Variants in DAB1 observed in about 807,000 individuals in gnomAD.
DAB1 encodes the protein DAB adaptor protein 1.
A neutral mutation model predicts 64.6 loss-of-function variants in DAB1; 15 were observed. That is an observed-to-expected ratio of 0.23 (90% confidence interval 0.16 to 0.36). The LOEUF (loss-of-function observed/expected upper bound fraction) is 0.36, where lower values mean the gene tolerates loss of function less well. Ranked by LOEUF, DAB1 falls within the 10% of genes least tolerant of loss-of-function variation. The pLI, the probability that DAB1 is intolerant of heterozygous loss-of-function variation, is 1.00. For synonymous variants in DAB1, 235 were observed against 251.9 expected (o/e 0.93, Z 0.64); for missense variants, 596 against 706.7 (o/e 0.84, Z 1.78).
At chr1:58,145,635 G>C (rs1456473363) in intron 5 of DAB1, among the ~76,000 whole-genome samples, 2 of 152,212 alleles carry the variant, frequency 1.3e-5, no homozygotes, top group African/African-American at 2.4e-5. Context: ...GAGGCCCATA[G>C]AGGGAAAGAG....
chr1:57,584,684 C>G (rs1645356262), intron 7 of DAB1, among the ~76,000 whole-genome samples: 4 of 152,162 alleles, frequency 2.6e-5, no homozygotes, highest in Admixed American at 2.6e-4. Context: ...TCCTAAGGAA[C>G]AAGGTGCCAA....
intron 4 of DAB1, among the ~76,000 whole-genome samples, chr1:58,189,639 T>C (rs1223666722): frequency 1.3e-5 from 2 of 152,244 alleles, no homozygotes; most frequent in South Asian, 4.1e-4. Context: ...GCAGGCAAAC[T>C]GACAGCACTT....
At chr1:57,317,078 G>A (rs1675273486) in intron 1 of DAB1, among the ~76,000 whole-genome samples, 1 of 152,158 alleles carries the variant, frequency 6.6e-6, no homozygotes, top group South Asian at 2.1e-4. Context: ...AGCTTGCTCT[G>A]ATGGAAGCCA....
chr1:57,127,946 G>A lies in DAB1; in HGVS notation c.306+8597C>T, dbSNP rs200540951. 1.7e-4 allele frequency among the ~76,000 whole-genome samples: 26 copies of A among 152,036 alleles called. No individual in the cohort carries two copies. The East Asian group carries it at 3.3e-3, about 19-fold the overall frequency. ...CTGGATCACCTGAGGTCAGGAGTTC[G>A]AGACCAGACTAGCCAACATGGTGAA... is the stretch of plus-strand genomic sequence containing the variant. On this transcript the variant is annotated intron_variant, in intron 4 of 14. Transcript: ENST00000371236.
chr1:57,310,263 T>C (rs1307089222), intron 1 of DAB1, among the ~76,000 whole-genome samples: 5 of 152,082 alleles, frequency 3.3e-5, no homozygotes, highest in African/African-American at 7.2e-5. Flanking sequence ...GGAGATGACA[T>C]TGGAGCAAAA....
At chr1:58,136,256 C>G (rs1414139902) in intron 5 of DAB1, among the ~76,000 whole-genome samples, 1 of 152,074 alleles carries the variant, frequency 6.6e-6, no homozygotes, top group African/African-American at 2.4e-5. Flanking sequence ...AGTGGAGGGG[C>G]CTTCTCCACC....
chr1:57,103,972 T>G (rs151017363), intron 4 of DAB1, among the ~76,000 whole-genome samples: 1 of 151,980 alleles, frequency 6.6e-6, no homozygotes, highest in East Asian at 1.9e-4. Context: ...GGTGAGGAGA[T>G]CAAGGGTCTG....
At chr1:57,392,952 T>C (rs1682507930) in intron 1 of DAB1, among the ~76,000 whole-genome samples, 1 of 152,228 alleles carries the variant, frequency 6.6e-6, no homozygotes, top group Non-Finnish European at 1.5e-5. Context: ...GGAGGAAAAG[T>C]GTAAGCTTTG....
chr1:58,113,512 A>G (rs1776196), intron 5 of DAB1, among the ~76,000 whole-genome samples: 78,639 of 152,066 alleles, frequency 0.52, 23,821 homozygotes, highest in East Asian at 0.82. Flanking sequence ...CAAAAGCTGA[A>G]GCACAAATGG....
chr1:58,259,127 G>T (rs1331946733), intron 4 of DAB1, among the ~76,000 whole-genome samples: 3 of 152,166 alleles, frequency 2.0e-5, no homozygotes, highest in Admixed American at 2.0e-4. Flanking sequence ...AAAATTATTA[G>T]CTTTCTTTCT....
chr1:57,055,083 C>T (rs1649612703), intron 9 of DAB1, among the ~76,000 whole-genome samples: 1 of 152,206 alleles, frequency 6.6e-6, no homozygotes, highest in Non-Finnish European at 1.5e-5. Flanking sequence ...AGCCAGTTAG[C>T]ATTTCCTCTC....
chr1:57,567,684 A>G (rs935163138), intron 7 of DAB1, among the ~76,000 whole-genome samples: 1 of 152,122 alleles, frequency 6.6e-6, no homozygotes, highest in African/African-American at 2.4e-5. Flanking sequence ...ACAATTGCTT[A>G]AAGAGAATAA....
intron 6 of DAB1, among the ~76,000 whole-genome samples, chr1:57,781,126 C>CTATATATATA (rs35044056): frequency 3.6e-5 from 1 of 27,726 alleles, no homozygotes; most frequent in Non-Finnish European, 6.4e-5. Context: ...CTCTCTCTCT[C>CTATATATATA]TATATATATA....
intron 9 of DAB1, among the ~76,000 whole-genome samples, chr1:57,049,450 CAAAAAAAAAAAAA>C (rs574438911): frequency 0.041 from 1,010 of 24,622 alleles, 36 homozygotes; most frequent in African/African-American, 0.14. Flanking sequence ...GACTCCGTCT[CAAAAAAAAAAAAA>C]AAAAAAAAAA....
At chr1:57,078,104 G>A (rs1005459263) in intron 4 of DAB1, among the ~76,000 whole-genome samples, 4 of 152,054 alleles carry the variant, frequency 2.6e-5, no homozygotes, top group Admixed American at 1.3e-4. Context: ...GCTACATCAC[G>A]GTGCCAATGA....
chr1:57,330,096 A>C (rs1676529098), intron 1 of DAB1, among the ~76,000 whole-genome samples: 2 of 152,186 alleles, frequency 1.3e-5, no homozygotes, highest in South Asian at 2.1e-4. Flanking sequence ...CAGTTCAGTG[A>C]CAGCTAAGGC....
chr1:58,152,701 G>T (rs1655010891), intron 4 of DAB1, among the ~76,000 whole-genome samples: 1 of 152,150 alleles, frequency 6.6e-6, no homozygotes, highest in Non-Finnish European at 1.5e-5. Context: ...CTTAATTAAA[G>T]AGCCATTCAC....
chr1:58,229,005 G>A (rs995057033), intron 4 of DAB1: 11 of 416,796 alleles, frequency 2.6e-5, no homozygotes, highest in African/African-American at 1.9e-4. Context: ...GTCCCACCTG[G>A]GGCAGATCAC....
chr1:57,724,709 GAGC>G (rs1176747693), intron 6 of DAB1, among the ~76,000 whole-genome samples: 1 of 152,142 alleles, frequency 6.6e-6, no homozygotes, highest in African/African-American at 2.4e-5. Flanking sequence ...CTTCTGCCAT[GAGC>G]AGACCTCTCT....
Sources: gnomAD v4.1 joint callset for allele counts (sites outside exome capture counted in the v4.1 genomes callset) on GRCh38, gnomAD v4.1.1 for gene constraint, MANE v1.5 for transcripts, NCBI Gene and HGNC (gene_info 2026-07-23, HGNC 2026-07-21) for gene names.